The following VCPIP1 variants were observed in gnomAD, a reference collection of about 807,000 sequenced individuals.
The protein encoded by VCPIP1 is valosin containing protein interacting protein 1, also known as deubiquitinating protein VCPIP1.
Under a neutral mutation model 85.0 loss-of-function variants are expected in VCPIP1, and 8 were observed. That is an observed-to-expected ratio of 0.09 (90% CI 0.06 to 0.17). VCPIP1 has a LOEUF of 0.17. Among genes scored for constraint, VCPIP1 ranks in the 10% least tolerant of loss-of-function variants. VCPIP1 has a pLI of 1.00. For missense variants in VCPIP1, 1,070 were observed against 1,486.3 expected (o/e 0.72, Z 4.61); for synonymous variants, 543 against 544.5 (o/e 1.00, Z 0.04).
In VCPIP1 at chr8:66,635,228, T is replaced by C. The variant is rs987771554; in HGVS notation, c.2942A>G (p.Glu981Gly). 2.5e-6 allele frequency: 4 copies of C among 1,614,192 alleles called. No homozygotes were observed. Among genetic ancestry groups the C allele is most frequent in the East Asian group, 2.2e-5 (1 of 44,888 alleles). ...CTCTGCTCGAACCTGACTTACAGCC[T>C]CTTTAACTAAATCTTCAACATCAGG... is the stretch of plus-strand genomic sequence containing the variant. ...IGPDVEDLVK[E>G]AVSQVRAEAT... Residue 981 changes from glutamate to glycine, a missense_variant, in exon 3 of 3, where the codon GAG becomes GGG. Glu to Gly is a moderately conservative substitution (Grantham distance 98). Coordinates refer to ENST00000310421, the MANE Select transcript of VCPIP1 (RefSeq NM_025054.5).
rs1282903200 is a variant in VCPIP1 at position 66,632,495 on chromosome 8, A to C, written c.*2006T>G. 6.6e-6 allele frequency: 1 copy of C among 152,126 alleles called. No homozygotes were observed. Among genetic ancestry groups the C allele is most frequent in the Non-Finnish European group, 1.5e-5 (1 of 67,954 alleles). The allele number at this position is 152,126 out of a possible 1,614,324, so 9.4% of individuals were successfully genotyped here. A position where few individuals can be genotyped will look rare whatever the true frequency, so the allele number is the denominator to read the frequency against. On this transcript the variant is annotated 3_prime_UTR_variant, in exon 3 of 3. Transcript: ENST00000310421. ...TAAGTCCATCTTCTAACATTCACAT[A>C]CGCATTCCAATTTGCACTAAATGTA...
chr8:66,639,877 A>G (rs538350959), intron 2 of VCPIP1, among the ~76,000 whole-genome samples: 16 of 152,126 alleles, frequency 1.1e-4, no homozygotes, highest in East Asian at 1.9e-4. Flanking sequence ...TGATGATGAT[A>G]ATAATAAATG....
chr8:66,656,685 C>CTCT (rs1234005492), intron 1 of VCPIP1, among the ~76,000 whole-genome samples: 1 of 152,088 alleles, frequency 6.6e-6, no homozygotes, highest in Non-Finnish European at 1.5e-5. Context: ...TCTTGGCTCA[C>CTCT]TGCAGCCTCT....
Position 66,666,792 on chromosome 8 carries a change from G to A in VCPIP1, c.167C>T (p.Ala56Val), listed in dbSNP as rs767121910. ...SGSCPDPKCQ[A>V]RLFFPASGSV... ...ACCGGAGGCCGGGAAAAATAGACGC[G>A]CCTGACACTTCGGATCCGGGCAGCT... Residue 56 changes from alanine (A) to valine (V), a missense_variant, in exon 1 of 3, where the codon GCG becomes GTG. Around this residue, in one of 8 missense-constraint regions of VCPIP1, gnomAD observed 164 missense variants for 158.6 expected, o/e 1.03. Transcript: ENST00000310421. This position sits in a 1 kb window ranked among gnomAD's most constrained non-coding sequence, Gnocchi z 6.3. 6.2e-7 allele frequency: 1 copy of A among 1,613,784 alleles called. No homozygotes were observed. Among genetic ancestry groups the A allele is most frequent in the Admixed American group, 1.7e-5 (1 of 60,016 alleles).
At chr8:66,643,564 T>C (rs150077659) in intron 2 of VCPIP1, among the ~76,000 whole-genome samples, 60 of 151,522 alleles carry the variant, frequency 4.0e-4, no homozygotes, top group African/African-American at 1.4e-3. Flanking sequence ...TAGTTGGGCA[T>C]AGTGACGCAC....
Position 66,665,515 on chromosome 8 carries a change from G to T in VCPIP1, c.1444C>A (p.Pro482Thr). 6.2e-7 allele frequency: 1 copy of T among 1,614,046 alleles called. No homozygotes were observed. The highest frequency in any genetic ancestry group is 8.5e-7 in the Non-Finnish European group (1 of 1,179,962). ...CGALSELHVP[P>T]EWLAPGGKLY... ...TTCCCTCCAGGAGCCAACCACTCTGGAGGAACATGAAGTTCAGAAAGGGCA... is the reference window on the plus strand; with the variant it reads ...TTCCCTCCAGGAGCCAACCACTCTGTAGGAACATGAAGTTCAGAAAGGGCA... The change falls in exon 1 of 3, where the codon CCA becomes ACA. Residue 482 changes from proline to threonine, a missense_variant. Coordinates refer to ENST00000310421, the MANE Select transcript of VCPIP1 (RefSeq NM_025054.5). This position sits in a 1 kb window ranked among gnomAD's most constrained non-coding sequence, Gnocchi z 4.3.
chr8:66,664,080 T>C (rs992794554), intron 1 of VCPIP1, among the ~76,000 whole-genome samples, 169 bp downstream of exon 1: 8 of 152,184 alleles, frequency 5.3e-5, no homozygotes, highest in Non-Finnish European at 1.2e-4. Flanking sequence ...TACTCAATAA[T>C]CCTATTAACA....
chr8:66,654,407 C>T (rs1335281683), intron 1 of VCPIP1, among the ~76,000 whole-genome samples: 1 of 152,174 alleles, frequency 6.6e-6, no homozygotes, highest in Non-Finnish European at 1.5e-5. Flanking sequence ...GCCCAGGAAA[C>T]AGAGGTTGCA....
chr8:66,635,956 C>T lies in VCPIP1; in HGVS notation c.2798-584G>A, dbSNP rs368193828. Among the ~76,000 whole-genome samples the T allele has an allele frequency of 1.7e-3, 251 of 148,706 alleles. 2 individuals are homozygous for T. Among genetic ancestry groups the T allele is most frequent in the African/African-American group, 5.9e-3 (237 of 40,318 alleles). On this transcript the variant is annotated intron_variant, in intron 2 of 2. Transcript: ENST00000310421. ...AAAGAATGGAGCTTGAGGCCAGGTG[C>T]AGTGGCTCATGCATATAATCCCAGC...
At chr8:66,642,630 T>C (rs1004992961) in intron 2 of VCPIP1, among the ~76,000 whole-genome samples, 2 of 152,202 alleles carry the variant, frequency 1.3e-5, no homozygotes, top group African/African-American at 4.8e-5. Context: ...ACATCAAACT[T>C]CAATATTTTG....
chr8:66,656,563 T>C (rs1043424714), intron 1 of VCPIP1, among the ~76,000 whole-genome samples: 1 of 152,230 alleles, frequency 6.6e-6, no homozygotes, highest in Non-Finnish European at 1.5e-5. Flanking sequence ...AAGCAGTAAA[T>C]TTAAAAATCT....
At chr8:66,655,322 A>C (rs1417743334) in intron 1 of VCPIP1, among the ~76,000 whole-genome samples, 1 of 152,128 alleles carries the variant, frequency 6.6e-6, no homozygotes, top group East Asian at 1.9e-4. Flanking sequence ...AACCAGCCTT[A>C]TTTTGTTGTT....
chr8:66,641,427 G>A (rs1486502437), intron 2 of VCPIP1, among the ~76,000 whole-genome samples: 1 of 151,960 alleles, frequency 6.6e-6, no homozygotes, highest in South Asian at 2.1e-4. Context: ...CTGCAGTGTG[G>A]TAGTGCAATC....
Position 66,666,928 on chromosome 8 carries a change from A to ACGGAGG in VCPIP1, c.25_30dup (p.Pro9_Pro10dup). 3 of 1,583,432 alleles carry ACGGAGG rather than the reference A, an allele frequency of 1.9e-6. No homozygotes were observed. The highest frequency in any genetic ancestry group is 2.6e-6 in the Non-Finnish European group (3 of 1,170,556). On this transcript the variant is annotated inframe_insertion, in exon 1 of 3. Transcript: ENST00000310421. This position sits in a 1 kb window ranked among gnomAD's most constrained non-coding sequence, Gnocchi z 6.3. Reference sequence around the variant, plus strand: ...TCAGGGGGAGGAGGTGGCGGCGGCAACGGAGGCGGCGGCGGCGGCGGCTGA... The same window carrying ACGGAGG: ...TCAGGGGGAGGAGGTGGCGGCGGCAACGGAGGCGGAGGCGGCGGCGGCGGCGGCTGA...
Position 66,666,473 on chromosome 8 carries a change from T to C in VCPIP1, c.486A>G (p.Leu162=). 1 of 1,614,128 alleles carries C rather than the reference T, an allele frequency of 6.2e-7. No homozygotes were observed. Among genetic ancestry groups the C allele is most frequent in the Non-Finnish European group, 8.5e-7 (1 of 1,180,022 alleles). Residue 162 remains leucine (L), a synonymous_variant, in exon 1 of 3, where the codon TTA becomes TTG. Transcript: ENST00000310421. This position sits in a 1 kb window ranked among gnomAD's most constrained non-coding sequence, Gnocchi z 6.3. Reference sequence around the variant, plus strand: ...CTATGAGGAAGGCGCGGTCACCCAGTAAGGCGCAATCGAACAGTTCGCCCT... The same window carrying C: ...CTATGAGGAAGGCGCGGTCACCCAGCAAGGCGCAATCGAACAGTTCGCCCT... The part of the protein sequence containing the change: ...MNQGELFDCA[L]LGDRAFLIEP...
chr8:66,660,593 G>A (rs1337227581), intron 1 of VCPIP1, among the ~76,000 whole-genome samples: 1 of 152,160 alleles, frequency 6.6e-6, no homozygotes, highest in East Asian at 1.9e-4. Flanking sequence ...AATTCACAAA[G>A]TAATTTCTGC....
At chr8:66,640,292 A>G (rs370483677) in intron 2 of VCPIP1, among the ~76,000 whole-genome samples, 3 of 152,362 alleles carry the variant, frequency 2.0e-5, no homozygotes, top group East Asian at 3.9e-4. Context: ...TTTATTAGGT[A>G]CCAGATCATT....
chr8:66,666,708 C>A lies in VCPIP1; in HGVS notation c.251G>T (p.Gly84Val), dbSNP rs1563573558. The part of the protein sequence containing the change: ...GQRHEQQQLL[G>V]VEEVTDPDVV... Reference sequence around the variant, plus strand: ...GTCCGGGTCGGTCACCTCCTCAACCCCCAGCAGCTGTTGCTGCTCGTGCCG... The same window carrying A: ...GTCCGGGTCGGTCACCTCCTCAACCACCAGCAGCTGTTGCTGCTCGTGCCG... The change falls in exon 1 of 3, where the codon GGG becomes GTG. Residue 84 changes from glycine (G) to valine (V), a missense_variant. Gly to Val is a moderately radical substitution (Grantham distance 109, BLOSUM62 -3). Around this residue, in one of 8 missense-constraint regions of VCPIP1, gnomAD observed 164 missense variants for 158.6 expected, o/e 1.03. Coordinates refer to ENST00000310421, the MANE Select transcript of VCPIP1 (RefSeq NM_025054.5). This position sits in a 1 kb window ranked among gnomAD's most constrained non-coding sequence, Gnocchi z 6.3. 1.2e-6 allele frequency: 2 copies of A among 1,614,178 alleles called. No homozygotes were observed. Among genetic ancestry groups the A allele is most frequent in the South Asian group, 1.1e-5 (1 of 91,072 alleles).
chr8:66,647,201 C>T (rs777030718), intron 2 of VCPIP1, among the ~76,000 whole-genome samples: 18 of 150,664 alleles, frequency 1.2e-4, no homozygotes, highest in Non-Finnish European at 2.2e-4. Flanking sequence ...ATTAGCCAGG[C>T]GCGGTGGCAG....
Sources: gnomAD v4.1 joint callset for allele counts (sites outside exome capture counted in the v4.1 genomes callset) on GRCh38, gnomAD v4.1.1 for gene constraint, gnomAD v4.1.1 regional missense constraint, Gnocchi (gnomAD v3.1) non-coding constraint, MANE v1.5 for transcripts, NCBI Gene and HGNC (gene_info 2026-07-23, HGNC 2026-07-21) for gene names.